The following ATP7A variants were observed in gnomAD, a reference collection of about 807,000 sequenced individuals.
The protein encoded by ATP7A is ATPase copper transporting alpha, also known as copper-transporting ATPase 1.
Under a neutral mutation model 83.5 loss-of-function variants are expected in ATP7A, and 7 were observed. The ratio of observed to expected loss-of-function variants is 0.08; its 90% CI spans 0.05 to 0.16. ATP7A has a LOEUF of 0.16. Ranked by LOEUF, ATP7A falls within the 10% of genes least tolerant of loss-of-function variation. The probability of loss-of-function intolerance (pLI) is 1.00; values close to 1 mark genes in which losing one functional copy is unlikely to be tolerated. For missense variants in ATP7A, 940 were observed against 1,120.8 expected (o/e 0.84, Z 2.30); for synonymous variants, 354 against 395.2 (o/e 0.90, Z 1.24).
At chrX:77,918,260 C>T (rs782636435) in intron 1 of ATP7A, among the ~76,000 whole-genome samples, 3 of 108,953 alleles carry the variant, frequency 2.8e-5, no homozygotes, top group South Asian at 7.9e-4. Context: ...TTTGTAGAGA[C>T]GGGATCTTAC....
intron 4 of ATP7A, among the ~76,000 whole-genome samples, chrX:77,996,687 T>G (rs1185971986): frequency 9.0e-6 from 1 of 111,140 alleles, no homozygotes; most frequent in African/African-American, 3.3e-5. Context: ...ATTTCCAGAG[T>G]GTGAAAATTA....
chrX:77,987,239 A>G (rs1249584216), intron 2 of ATP7A, among the ~76,000 whole-genome samples: 1 of 111,750 alleles, frequency 8.9e-6, no homozygotes, highest in Non-Finnish European at 1.9e-5. Context: ...TGCTCAATAA[A>G]TATTAGTTGC....
At chrX:77,951,002 C>T (rs950476066) in intron 1 of ATP7A, among the ~76,000 whole-genome samples, 8 of 110,688 alleles carry the variant, frequency 7.2e-5, no homozygotes, top group African/African-American at 2.6e-4. Context: ...AGCCTGGTAA[C>T]AGAGTGAGAC....
At chrX:77,914,495 G>A (rs1220422225) in intron 1 of ATP7A, among the ~76,000 whole-genome samples, 4 of 111,233 alleles carry the variant, frequency 3.6e-5, no homozygotes, top group African/African-American at 1.3e-4. Flanking sequence ...CGCCTCCTGG[G>A]TTCTAGTGAT....
rs371747549 is a variant in ATP7A at position 78,023,474 on chromosome X, AT to A, written c.2916+2402del. Among the ~76,000 whole-genome samples the A allele has an allele frequency of 0.25, 27,940 of 109,854 alleles. 2,744 individuals are homozygous for A. Among genetic ancestry groups the A allele is most frequent in the South Asian group, 0.34 (908 of 2,637 alleles). ...CGTTGCCAACATCTGTTATTTTTTGATTTTTTTAATTATAGCCATTCTGACT... is the reference window on the plus strand; with the variant it reads ...CGTTGCCAACATCTGTTATTTTTTGATTTTTTAATTATAGCCATTCTGACT... On this transcript the variant is annotated intron_variant, in intron 14 of 22. Coordinates refer to ENST00000341514, the MANE Select transcript of ATP7A (RefSeq NM_000052.7).
intron 1 of ATP7A, chrX:77,968,816 A>G: frequency 8.3e-7 from 1 of 1,201,361 alleles, no homozygotes; most frequent in Non-Finnish European, 1.1e-6. Context: ...TGGGAGGGGC[A>G]GAGGGACAAG....
chrX:77,957,980 G>C (rs1557227603), intron 1 of ATP7A, among the ~76,000 whole-genome samples: 1 of 111,188 alleles, frequency 9.0e-6, no homozygotes, highest in African/African-American at 3.3e-5. Flanking sequence ...ACTTGTGGGA[G>C]GCGATTGGAT....
rs1405766963 is a variant in ATP7A at position 77,991,375 on chromosome X, C to T, written c.1336+1417C>T. Among the ~76,000 whole-genome samples, 3 of 112,152 alleles carry T rather than the reference C, an allele frequency of 2.7e-5. No homozygotes were observed. The East Asian group carries it at 8.3e-4, about 31-fold the overall frequency. Reference sequence around the variant, plus strand: ...TAGCATAATGTTTTCAAGGTCCATCCATGTTGTAGTATGTATTAGAACATC... The same window carrying T: ...TAGCATAATGTTTTCAAGGTCCATCTATGTTGTAGTATGTATTAGAACATC... On this transcript the variant is annotated intron_variant, in intron 4 of 22. Transcript: ENST00000341514.
At chrX:78,043,048 A>T (rs1557238638) in intron 20 of ATP7A, among the ~76,000 whole-genome samples, 1 of 112,315 alleles carries the variant, frequency 8.9e-6, no homozygotes, top group African/African-American at 3.2e-5. Context: ...GAATAAAATG[A>T]TCTTCAACAA....
intron 10 of ATP7A, 84 bp from the exon 11 acceptor site, chrX:78,014,578 A>G: frequency 1.4e-6 from 1 of 708,872 alleles, no homozygotes; most frequent in Non-Finnish European, 2.2e-6. Context: ...TTTTGGGTAA[A>G]TGCTAAAGAT....
At chrX:77,934,427 C>A (rs1009814013) in intron 1 of ATP7A, among the ~76,000 whole-genome samples, 5 of 111,408 alleles carry the variant, frequency 4.5e-5, no homozygotes. Flanking sequence ...CGAAAAAAAA[C>A]CCTGAAGTTT....
chrX:77,969,675 T>G, intron 1 of ATP7A: 1 of 1,204,044 alleles, frequency 8.3e-7, no homozygotes, highest in East Asian at 3.0e-5. Context: ...CCATTTGAAG[T>G]AAAAGGTACA....
At chrX:77,931,463 T>G (rs1557224230) in intron 1 of ATP7A, among the ~76,000 whole-genome samples, 1 of 112,402 alleles carries the variant, frequency 8.9e-6, no homozygotes. Context: ...TTTCCCCACC[T>G]TTCCTCCCTT....
rs1489199522 is a variant in ATP7A at position 78,049,280 on chromosome X, A to G, written c.*2710A>G. ...TTCACATACATATATATATACACAC[A>G]TATATATGTACATACACATACATAC... On this transcript the variant is annotated 3_prime_UTR_variant, in exon 23 of 23. Coordinates refer to ENST00000341514, the MANE Select transcript of ATP7A (RefSeq NM_000052.7). 1.8e-5 allele frequency: 2 copies of G among 112,276 alleles called. No individual in the cohort carries two copies. The allele number at this position is 112,276 out of a possible 1,213,427, so 9.3% of individuals were successfully genotyped here. A position where few individuals can be genotyped will look rare whatever the true frequency, so the allele number is the denominator to read the frequency against.
intron 1 of ATP7A, among the ~76,000 whole-genome samples, chrX:77,941,501 C>A (rs2077351143): frequency 9.0e-6 from 1 of 110,995 alleles, no homozygotes; most frequent in Non-Finnish European, 1.9e-5. Context: ...TCTCAAAGTG[C>A]TGCGATTACA....
At chrX:77,970,538 G>A (rs960880243) in intron 1 of ATP7A, among the ~76,000 whole-genome samples, 1 of 111,311 alleles carries the variant, frequency 9.0e-6, no homozygotes, top group Admixed American at 9.6e-5. Flanking sequence ...CGGGTGTGGT[G>A]GCATGCGCCC....
intron 1 of ATP7A, among the ~76,000 whole-genome samples, chrX:77,912,544 C>T (rs1359481877): frequency 4.5e-5 from 5 of 111,180 alleles, no homozygotes; most frequent in Non-Finnish European, 7.5e-5. Context: ...GCCCTCCAGC[C>T]AATAAGAAAG....
chrX:77,991,485 A>C, intron 4 of ATP7A, among the ~76,000 whole-genome samples: 1 of 111,465 alleles, frequency 9.0e-6, no homozygotes, highest in Non-Finnish European at 1.9e-5. Context: ...GGGAATTTGG[A>C]TTGTCTCCAC....
chrX:77,980,479 C>T (rs2077598888), intron 2 of ATP7A, among the ~76,000 whole-genome samples: 1 of 109,607 alleles, frequency 9.1e-6, no homozygotes, highest in African/African-American at 3.3e-5. Flanking sequence ...TAAAAATGAC[C>T]ACATCAATGC....
Sources: allele counts gnomAD v4.1 joint callset (sites outside exome capture counted in the v4.1 genomes callset), GRCh38; gene constraint gnomAD v4.1.1; transcripts MANE v1.5; gene names NCBI Gene and HGNC (gene_info 2026-07-23, HGNC 2026-07-21).